STEAP1B: variants seen among roughly 807,000 people sequenced by gnomAD.
STEAP1B encodes STEAP family member 1B, also known as STEAP family protein MGC87042.
A neutral mutation model predicts 27.9 loss-of-function variants in STEAP1B; 13 were observed. That is an observed-to-expected ratio of 0.47 (90% CI 0.30 to 0.74). The LOEUF is 0.74. STEAP1B is among the 30% of genes least tolerant of loss of function. The pLI, the probability that STEAP1B is intolerant of heterozygous loss-of-function variation, is 0.06. For missense variants in STEAP1B, 250 were observed against 298.7 expected (o/e 0.84, Z 1.20); for synonymous variants, 86 against 107.1 (o/e 0.80, Z 1.22).
intron 4 of STEAP1B, among the ~76,000 whole-genome samples, chr7:22,479,544 TTA>T (rs1583651434): frequency 1.3e-5 from 2 of 152,158 alleles, no homozygotes; most frequent in Admixed American, 1.3e-4. Flanking sequence ...GGCCAATCTT[TTA>T]TGTGTAACTT....
At chr7:22,440,215 T>C (rs781382438) in intron 4 of STEAP1B, among the ~76,000 whole-genome samples, 6 of 152,158 alleles carry the variant, frequency 3.9e-5, no homozygotes, top group Non-Finnish European at 5.9e-5. Context: ...AATTAAACTG[T>C]GGGAGCTCAG....
Position 22,493,774 on chromosome 7 carries a change from T to C in STEAP1B, c.147A>G (p.Thr49=). 1.9e-6 allele frequency: 3 copies of C among 1,613,808 alleles called. No individual in the cohort carries two copies. Among genetic ancestry groups the C allele is most frequent in the Non-Finnish European group, 2.5e-6 (3 of 1,179,808 alleles). The change falls in exon 3 of 5, where the codon ACA becomes ACG. Residue 49 remains threonine, a synonymous_variant. Coordinates refer to ENST00000678116, the MANE Select transcript of STEAP1B (RefSeq NM_001382447.1). ...GGCAGTCAAATTCATCAGCATGGGC[T>C]GTTTGCTGCAAATGCAAAAGCACAG... is the stretch of plus-strand genomic sequence containing the variant. The part of the protein sequence containing the change: ...KRPVLLHLQQ[T]AHADEFDCPS...
intron 4 of STEAP1B, among the ~76,000 whole-genome samples, chr7:22,461,522 C>CA (rs1373261806): frequency 6.6e-6 from 1 of 152,166 alleles, no homozygotes; most frequent in Non-Finnish European, 1.5e-5. Flanking sequence ...CTCAGCCTCC[C>CA]AAAGTGCTGG....
chr7:22,432,827 T>C (rs1055721190), intron 4 of STEAP1B, among the ~76,000 whole-genome samples: 1 of 152,170 alleles, frequency 6.6e-6, no homozygotes, highest in African/African-American at 2.4e-5. Context: ...ATGTGTACCA[T>C]GATCCACTAC....
chr7:22,419,849 C>A lies in STEAP1B; in HGVS notation c.763-13G>T. The A allele has an allele frequency of 6.5e-7, 1 of 1,549,336 alleles. No individual in the cohort carries two copies. The highest frequency in any genetic ancestry group is 1.2e-5 in the South Asian group (1 of 83,550). On this transcript the variant is annotated splice_polypyrimidine_tract_variant and intron_variant, in intron 4 of 4. Transcript: ENST00000678116. ...TCCTACCATGTACCTGGAAGGCAGA[C>A]AGCAAGAAAGAGTTGATGTATAGAA...
At position 22,488,930 on chromosome 7, in the gene STEAP1B, T is replaced by C. The variant is rs372208967; in HGVS notation, c.762+3635A>G. On this transcript the variant is annotated intron_variant, in intron 4 of 4. Coordinates refer to ENST00000678116, the MANE Select transcript of STEAP1B (RefSeq NM_001382447.1). ...CGGACAAGTCCCCACGTAGATCAAA[T>C]TGTTGAAGAAGCCATAAAAATGACT... is the stretch of plus-strand genomic sequence containing the variant. Among the ~76,000 whole-genome samples the C allele has an allele frequency of 9.9e-5, 15 of 152,254 alleles. No homozygotes were observed. The East Asian group carries it at 2.3e-3, about 24-fold the overall frequency.
At chr7:22,466,818 A>G (rs1785792474) in intron 4 of STEAP1B, among the ~76,000 whole-genome samples, 2 of 152,224 alleles carry the variant, frequency 1.3e-5, no homozygotes, top group Admixed American at 1.3e-4. Context: ...GGTTGTTAAA[A>G]GCAGACTCCA....
At position 22,493,552 on chromosome 7, in the gene STEAP1B, G is replaced by A. The variant is rs773250089; in HGVS notation, c.369C>T (p.Ile123=). The change falls in exon 3 of 5, where the codon ATC becomes ATT. Residue 123 remains isoleucine (I), a synonymous_variant. Transcript: ENST00000678116. Reference sequence around the variant, plus strand: ...GTAGGTAAACCAATGCCAAGAGAGTGATGGAAACCATTGGCAAGACTTTGT... The same window carrying A: ...GTAGGTAAACCAATGCCAAGAGAGTAATGGAAACCATTGGCAAGACTTTGT... ...VINKVLPMVS[I]TLLALVYLPG... is the part of the protein sequence containing the mutation. 1.2e-6 allele frequency: 2 copies of A among 1,613,900 alleles called. No individual in the cohort carries two copies. The highest frequency in any genetic ancestry group is 1.7e-6 in the Non-Finnish European group (2 of 1,179,842).
At chr7:22,478,996 G>GAGGC (rs1245052687) in intron 4 of STEAP1B, among the ~76,000 whole-genome samples, 1 of 152,170 alleles carries the variant, frequency 6.6e-6, no homozygotes, top group African/African-American at 2.4e-5. Flanking sequence ...CACCCTCAGA[G>GAGGC]AGGCAGGCCT....
At chr7:22,488,508 C>A (rs1786259317) in intron 4 of STEAP1B, among the ~76,000 whole-genome samples, 1 of 152,212 alleles carries the variant, frequency 6.6e-6, no homozygotes, top group African/African-American at 2.4e-5. Context: ...CACCCTCATC[C>A]TCACCCATGC....
intron 1 of STEAP1B, among the ~76,000 whole-genome samples, chr7:22,497,257 C>T (rs2128419398): frequency 6.6e-6 from 1 of 152,274 alleles, no homozygotes; most frequent in East Asian, 1.9e-4. Flanking sequence ...ATGTCTTTAA[C>T]ATTTTGTTAA....
chr7:22,419,624 C>A lies in STEAP1B; in HGVS notation c.*180G>T. 1.8e-6 allele frequency: 1 copy of A among 552,614 alleles called. No individual in the cohort carries two copies. The highest frequency in any genetic ancestry group is 3.1e-6 in the Non-Finnish European group (1 of 326,362). 34.2% of individuals were successfully genotyped at this position (552,614 alleles called of 1,614,324 possible). Reference sequence around the variant, plus strand: ...ACTTTTTGTTTGCTCTCTCATGAGTCCGCTGGGGGATCCACTCATCTGCCC... The same window carrying A: ...ACTTTTTGTTTGCTCTCTCATGAGTACGCTGGGGGATCCACTCATCTGCCC... On this transcript the variant is annotated 3_prime_UTR_variant, in exon 5 of 5. Coordinates refer to ENST00000678116, the MANE Select transcript of STEAP1B (RefSeq NM_001382447.1).
chr7:22,476,449 C>A (rs566104709), intron 4 of STEAP1B, among the ~76,000 whole-genome samples: 1 of 152,176 alleles, frequency 6.6e-6, no homozygotes, highest in African/African-American at 2.4e-5. Flanking sequence ...GCAAGAGGCA[C>A]GCAGTTTATG....
At chr7:22,468,602 T>G (rs1434490030) in intron 4 of STEAP1B, among the ~76,000 whole-genome samples, 1 of 151,972 alleles carries the variant, frequency 6.6e-6, no homozygotes, top group Admixed American at 6.6e-5. Context: ...GACAAAGACC[T>G]GCACACAAAC....
At chr7:22,433,167 A>G (rs1785212281) in intron 4 of STEAP1B, among the ~76,000 whole-genome samples, 1 of 152,206 alleles carries the variant, frequency 6.6e-6, no homozygotes, top group Admixed American at 6.5e-5. Context: ...ACCCAAAATC[A>G]AAAAGCAAAC....
At chr7:22,437,616 A>G (rs958561776) in intron 4 of STEAP1B, among the ~76,000 whole-genome samples, 14 of 151,940 alleles carry the variant, frequency 9.2e-5, no homozygotes, top group African/African-American at 3.1e-4. Context: ...TTGGATATGT[A>G]CACAGAAGTA....
chr7:22,442,170 G>C (rs1168762892), intron 4 of STEAP1B, among the ~76,000 whole-genome samples: 1 of 152,234 alleles, frequency 6.6e-6, no homozygotes, highest in East Asian at 1.9e-4. Flanking sequence ...TTGCAACAAT[G>C]ATGGGTAAAA....
At chr7:22,480,779 T>C (rs1260260501) in intron 4 of STEAP1B, among the ~76,000 whole-genome samples, 1 of 152,222 alleles carries the variant, frequency 6.6e-6, no homozygotes, top group African/African-American at 2.4e-5. Context: ...TCAGAAACCA[T>C]GATCTTTACT....
chr7:22,423,702 A>G (rs1310151552), intron 4 of STEAP1B, among the ~76,000 whole-genome samples: 1 of 152,192 alleles, frequency 6.6e-6, no homozygotes, highest in Non-Finnish European at 1.5e-5. Context: ...AGTTTACACA[A>G]CTGTGCAAGT....
Sources: allele counts gnomAD v4.1 joint callset (sites outside exome capture counted in the v4.1 genomes callset), GRCh38; gene constraint gnomAD v4.1.1; transcripts MANE v1.5; gene names NCBI Gene and HGNC (gene_info 2026-07-23, HGNC 2026-07-21).